SUMF1: variants seen among roughly 807,000 people sequenced by gnomAD.
SUMF1 encodes sulfatase modifying factor 1.
SUMF1 carries 48 observed loss-of-function variants against 47.6 expected under a neutral mutation model. The observed-to-expected ratio is 1.01, with a 90% CI of 0.80 to 1.28. The LOEUF (loss-of-function observed/expected upper bound fraction) is 1.28. Ranked by LOEUF, SUMF1 falls within the 50% of genes most tolerant of loss-of-function variation. The pLI is 0.00. For synonymous variants in SUMF1, 230 were observed against 192.1 expected (o/e 1.20, Z -1.63); for missense variants, 571 against 485.4 (o/e 1.18, Z -1.66).
intron 8 of SUMF1, among the ~76,000 whole-genome samples, chr3:4,292,960 TG>T (rs1697769097): frequency 6.6e-6 from 1 of 152,178 alleles, no homozygotes; most frequent in African/African-American, 2.4e-5. Flanking sequence ...GCTAAGCTCA[TG>T]GGTGAGTTCC....
At chr3:4,150,225 C>CCTCCCAAGTAGCCTCCCAAG (rs1559512867) in intron 8 of SUMF1, among the ~76,000 whole-genome samples, 1 of 151,734 alleles carries the variant, frequency 6.6e-6, no homozygotes, top group African/African-American at 2.4e-5. Context: ...TCCCAAGTAG[C>CCTCCCAAGTAGCCTCCCAAG]TGGGACTGCA....
In SUMF1 at chr3:4,409,343, G is replaced by A. The variant is rs145231521; in HGVS notation, c.954+1522C>T. Among the ~76,000 whole-genome samples, 153 of 152,284 alleles carry A rather than the reference G, an allele frequency of 1.0e-3. 4 individuals carry two copies. In the East Asian group the frequency reaches 0.021, roughly 21 times the overall value. ...TGGGACAAAGAGAAACCTAAAATGA[G>A]AACAATTTCATTAGAGCAAGGGCAA... On this transcript the variant is annotated intron_variant, in intron 7 of 8. Coordinates refer to ENST00000272902, the MANE Select transcript of SUMF1 (RefSeq NM_182760.4).
intron 8 of SUMF1, among the ~76,000 whole-genome samples, chr3:4,181,070 G>A (rs955363267): frequency 6.6e-6 from 1 of 152,128 alleles, no homozygotes; most frequent in African/African-American, 2.4e-5. Flanking sequence ...ATCAGAAATG[G>A]ATAATCACAG....
chr3:4,316,578 G>A (rs867952771), intron 8 of SUMF1: 2 of 1,552,000 alleles, frequency 1.3e-6, no homozygotes, highest in Middle Eastern at 1.7e-4. Context: ...GGTGCCTCAT[G>A]AGCTGACTGA....
At chr3:4,193,486 A>G (rs1032359070) in intron 8 of SUMF1, among the ~76,000 whole-genome samples, 65 of 152,208 alleles carry the variant, frequency 4.3e-4, no homozygotes, top group African/African-American at 1.4e-3. Context: ...TGGCATTTTA[A>G]TTGTGGGCAG....
chr3:4,407,636 A>C (rs1388827205), intron 7 of SUMF1, among the ~76,000 whole-genome samples: 1 of 152,236 alleles, frequency 6.6e-6, no homozygotes, highest in Non-Finnish European at 1.5e-5. Context: ...TTAGGGAAGA[A>C]AAGCAAATAA....
chr3:4,243,557 T>C (rs894167794), intron 8 of SUMF1, among the ~76,000 whole-genome samples: 1 of 152,222 alleles, frequency 6.6e-6, no homozygotes, highest in Non-Finnish European at 1.5e-5. Context: ...TCAGTTTCCA[T>C]GTAGTTGCAT....
chr3:4,213,228 A>G (rs535173332), intron 8 of SUMF1, among the ~76,000 whole-genome samples: 1 of 152,334 alleles, frequency 6.6e-6, no homozygotes, highest in Non-Finnish European at 1.5e-5. Flanking sequence ...CAGAAACCCT[A>G]CAAGCCAGAA....
intron 7 of SUMF1, among the ~76,000 whole-genome samples, chr3:4,392,615 G>GTGTATATATA (rs1433132957): frequency 7.3e-5 from 7 of 96,118 alleles, no homozygotes; most frequent in Non-Finnish European, 1.2e-4. Flanking sequence ...GTGTGTGTGT[G>GTGTATATATA]TATATATATA....
At position 4,423,790 on chromosome 3, in the gene SUMF1, C is replaced by T. The variant is rs542652555; in HGVS notation, c.520-3644G>A. Among the ~76,000 whole-genome samples, 5 of 152,216 alleles carry T rather than the reference C, an allele frequency of 3.3e-5. No individual in the cohort carries two copies. The East Asian group carries it at 5.8e-4, about 18-fold the overall frequency. ...CAGAACCCTTATGAATTGCTTGGGC[C>T]GTCCCCTTGGTGATGAGTGAGCTCT... On this transcript the variant is annotated intron_variant, in intron 3 of 8. Coordinates refer to ENST00000272902, the MANE Select transcript of SUMF1 (RefSeq NM_182760.4).
At chr3:4,376,462 C>G in intron 7 of SUMF1, 73 bp from the exon 8 acceptor site, 1 of 1,489,830 alleles carries the variant, frequency 6.7e-7, no homozygotes, top group Non-Finnish European at 9.4e-7. Context: ...AGAGAATCCA[C>G]TTTGATCCAA....
At chr3:4,225,737 A>G (rs1696158456) in intron 8 of SUMF1, among the ~76,000 whole-genome samples, 1 of 152,152 alleles carries the variant, frequency 6.6e-6, no homozygotes, top group African/African-American at 2.4e-5. Flanking sequence ...GTTCTTTACA[A>G]TTAAGAAAAA....
intron 8 of SUMF1, among the ~76,000 whole-genome samples, chr3:4,289,203 G>T (rs1697693693): frequency 6.6e-6 from 1 of 152,240 alleles, no homozygotes; most frequent in Admixed American, 6.5e-5. Context: ...ACTCAGACTG[G>T]AGGTGAAAGA....
chr3:4,352,694 T>C (rs946546068), intron 8 of SUMF1, among the ~76,000 whole-genome samples: 2 of 144,756 alleles, frequency 1.4e-5, no homozygotes, highest in Admixed American at 7.0e-5. Flanking sequence ...TGCATAGAAT[T>C]ATGTTCCAAA....
Position 4,207,266 on chromosome 3 carries a change from G to A in SUMF1, c.1015-138521C>T, listed in dbSNP as rs188916015. ...AGATTTCCTACATACAAATCATATC[G>A]TCCATGAATAAAGACAATTTTACTT... On this transcript the variant is annotated intron_variant and NMD_transcript_variant, in intron 8 of 12. Transcript: ENST00000448413. Among the ~76,000 whole-genome samples the A allele has an allele frequency of 3.3e-5, 5 of 151,950 alleles. No individual in the cohort carries two copies. The East Asian group carries it at 9.7e-4, about 29-fold the overall frequency.
At chr3:4,342,667 T>C (rs887073249) in intron 8 of SUMF1, among the ~76,000 whole-genome samples, 10 of 152,348 alleles carry the variant, frequency 6.6e-5, no homozygotes, top group African/African-American at 1.9e-4. Flanking sequence ...CCTCAAAGAA[T>C]GTGCAGTGAG....
At chr3:4,420,420 G>A (rs1701855453) in intron 3 of SUMF1, among the ~76,000 whole-genome samples, 1 of 139,036 alleles carries the variant, frequency 7.2e-6, no homozygotes, top group Non-Finnish European at 1.5e-5. Flanking sequence ...TTTTGAGATG[G>A]AGTCTCGCTC....
chr3:4,106,271 T>C (rs1367072178), intron 8 of SUMF1, among the ~76,000 whole-genome samples: 1 of 152,100 alleles, frequency 6.6e-6, no homozygotes, highest in Admixed American at 6.5e-5. Flanking sequence ...TAGTAAACAT[T>C]GGCCTAAAGA....
At chr3:4,449,402 C>A in intron 2 of SUMF1, 62 bp from the exon 3 acceptor site, 1 of 1,477,268 alleles carries the variant, frequency 6.8e-7, no homozygotes, top group African/African-American at 1.4e-5. Flanking sequence ...GCATGTGTGC[C>A]CTTTTCTCTC....
Sources: gnomAD v4.1 joint callset for allele counts (sites outside exome capture counted in the v4.1 genomes callset) on GRCh38, gnomAD v4.1.1 for gene constraint, MANE v1.5 for transcripts, NCBI Gene and HGNC (gene_info 2026-07-23, HGNC 2026-07-21) for gene names.